KCNJ16: variants seen among roughly 807,000 people sequenced by gnomAD.
The protein encoded by KCNJ16 is inward rectifier potassium channel 16.
A neutral mutation model predicts 18.5 loss-of-function variants in KCNJ16; 15 were observed. The ratio of observed to expected loss-of-function variants is 0.81; its 90% CI spans 0.54 to 1.25. The LOEUF is 1.25. Ranked by LOEUF, KCNJ16 falls within the 50% of genes most tolerant of loss-of-function variation. The pLI is 0.00. For missense variants in KCNJ16, 523 were observed against 525.7 expected (o/e 0.99, Z 0.05); for synonymous variants, 174 against 186.5 (o/e 0.93, Z 0.55).
chr17:70,095,688 G>T, intron 1 of KCNJ16, among the ~76,000 whole-genome samples: 1 of 151,748 alleles, frequency 6.6e-6, no homozygotes, highest in East Asian at 1.9e-4. Context: ...TCTTTATTAG[G>T]ATCTCTATAC....
intron 1 of KCNJ16, among the ~76,000 whole-genome samples, chr17:70,088,437 G>T (rs1455031346): frequency 2.0e-5 from 3 of 152,148 alleles, no homozygotes; most frequent in African/African-American, 4.8e-5. Flanking sequence ...CCTGCTGTGC[G>T]GCCCGGTTCC....
chr17:70,078,798 A>G (rs564996013), intron 1 of KCNJ16, among the ~76,000 whole-genome samples: 1 of 152,200 alleles, frequency 6.6e-6, no homozygotes, highest in Non-Finnish European at 1.5e-5. Flanking sequence ...ACGTACAATT[A>G]GCACACCAAC....
At chr17:70,131,226 A>G (rs528583532) in intron 3 of KCNJ16, 1 of 776,770 alleles carries the variant, frequency 1.3e-6, no homozygotes, top group East Asian at 2.9e-5. Flanking sequence ...AAGAAAAGAA[A>G]AAAAAAAGGA....
At position 70,132,902 on chromosome 17, in the gene KCNJ16, C is replaced by G; in HGVS notation, c.815C>G (p.Ala272Gly). ...TATGCCCTTGACCGCAAAGCAGTAG[C>G]CAAAGATAACTTTGAGATTTTGGTG... ...PLYALDRKAV[A>G]KDNFEILVTF... The change falls in exon 4 of 4, where the codon GCC (alanine) becomes GGC (glycine). Residue 272 changes from alanine (A) to glycine (G), a missense_variant. Physicochemically the swap from Ala to Gly is moderately conservative, Grantham distance 60. Transcript: ENST00000392671. 4 of 1,614,062 alleles carry G rather than the reference C, an allele frequency of 2.5e-6. No homozygotes were observed. The highest frequency in any genetic ancestry group is 2.5e-6 in the Non-Finnish European group (3 of 1,179,978).
intron 2 of KCNJ16, among the ~76,000 whole-genome samples, chr17:70,125,307 T>G (rs932735580): frequency 6.7e-6 from 1 of 149,942 alleles, no homozygotes; most frequent in Non-Finnish European, 1.5e-5. Context: ...GAAATAAAAG[T>G]CACCTTGTCC....
At chr17:70,094,611 G>C (rs1344897814) in intron 1 of KCNJ16, among the ~76,000 whole-genome samples, 2 of 90,030 alleles carry the variant, frequency 2.2e-5, no homozygotes, top group African/African-American at 8.5e-5. Context: ...TAGTCAATGA[G>C]GTGAAAGGTG....
At chr17:70,076,077 CAT>C (rs1440021883) in intron 1 of KCNJ16, among the ~76,000 whole-genome samples, 1 of 151,932 alleles carries the variant, frequency 6.6e-6, no homozygotes, top group Non-Finnish European at 1.5e-5. Flanking sequence ...AATTCTCTGA[CAT>C]ATATAATTGA....
intron 2 of KCNJ16, among the ~76,000 whole-genome samples, chr17:70,130,673 G>T (rs1271942278): frequency 1.3e-5 from 2 of 152,108 alleles, no homozygotes; most frequent in Non-Finnish European, 2.9e-5. Flanking sequence ...AATTTCCCTG[G>T]TTAGTTCCAA....
chr17:70,111,150 A>C (rs2073169027), intron 2 of KCNJ16, among the ~76,000 whole-genome samples: 1 of 152,188 alleles, frequency 6.6e-6, no homozygotes, highest in Non-Finnish European at 1.5e-5. Context: ...TGAGGGTATG[A>C]GTGTGACATT....
chr17:70,105,647 A>C (rs949694814), intron 2 of KCNJ16, among the ~76,000 whole-genome samples: 2 of 152,228 alleles, frequency 1.3e-5, no homozygotes, highest in South Asian at 4.1e-4. Flanking sequence ...TTCAATAAAT[A>C]ATAAGCCCTT....
intron 2 of KCNJ16, among the ~76,000 whole-genome samples, chr17:70,106,671 G>A (rs2072942847): frequency 6.6e-6 from 1 of 152,140 alleles, no homozygotes; most frequent in Non-Finnish European, 1.5e-5. Context: ...TTCTGCCATG[G>A]TTTTCTGACC....
At chr17:70,100,479 G>A (rs557302610) in intron 1 of KCNJ16, among the ~76,000 whole-genome samples, 179 bp from the exon 2 acceptor site, 3 of 152,038 alleles carry the variant, frequency 2.0e-5, no homozygotes, top group African/African-American at 7.2e-5. Flanking sequence ...TTCACCACCC[G>A]AAAAACATTA....
At chr17:70,131,335 T>G (rs2074052495) in intron 3 of KCNJ16, 1 of 1,076,070 alleles carries the variant, frequency 9.3e-7, no homozygotes, top group Non-Finnish European at 1.1e-6. Context: ...GATGCATTTT[T>G]TTTTCTTTTC....
intron 2 of KCNJ16, among the ~76,000 whole-genome samples, chr17:70,129,675 T>C (rs1432387399): frequency 1.3e-5 from 2 of 152,224 alleles, no homozygotes; most frequent in African/African-American, 4.8e-5. Flanking sequence ...TCAGGAAACA[T>C]GGTGAGCTTG....
intron 2 of KCNJ16, among the ~76,000 whole-genome samples, chr17:70,119,702 G>C (rs2073554640): frequency 6.6e-6 from 1 of 152,174 alleles, no homozygotes; most frequent in Admixed American, 6.5e-5. Flanking sequence ...CAAAGCAACA[G>C]GGCCCTAGGC....
rs1425093417 is a variant in KCNJ16 at position 70,078,380 on chromosome 17, C to A, written c.-300+2990C>A. 3.9e-5 allele frequency among the ~76,000 whole-genome samples: 6 copies of A among 152,094 alleles called. No homozygotes were observed. The East Asian group carries it at 1.2e-3, about 29-fold the overall frequency. On this transcript the variant is annotated intron_variant, in intron 1 of 3. Coordinates refer to ENST00000392671, the MANE Select transcript of KCNJ16 (RefSeq NM_170741.4). ...AAAAAAAAGGTGATTTTTACCTTAA[C>A]ATGTTCCAAAAAGATCACCTCCATT...
intron 2 of KCNJ16, among the ~76,000 whole-genome samples, chr17:70,116,701 A>G (rs1163669511): frequency 1.3e-5 from 2 of 152,198 alleles, no homozygotes; most frequent in African/African-American, 4.8e-5. Context: ...AACATGAAAA[A>G]ATGCTCACTA....
At chr17:70,107,485 T>C (rs1055876706) in intron 2 of KCNJ16, among the ~76,000 whole-genome samples, 2 of 152,182 alleles carry the variant, frequency 1.3e-5, no homozygotes, top group Non-Finnish European at 2.9e-5. Flanking sequence ...GTTGTATTTT[T>C]TTTTCATTGT....
rs998580 is a variant in KCNJ16 at position 70,130,650 on chromosome 17, A to G, written c.-190-229A>G. Among the ~76,000 whole-genome samples the G allele has an allele frequency of 0.13, 20,540 of 152,158 alleles. 1,518 individuals carry two copies. Among genetic ancestry groups the G allele is most frequent in the East Asian group, 0.27 (1,416 of 5,172 alleles). The stretch of plus-strand genomic sequence containing the variant: ...TTGCAGCAGAGAAGGTGCTGAACAC[A>G]TATTTAGTGATGAATTTCCCTGGTT... On this transcript the variant is annotated intron_variant, in intron 2 of 3. Coordinates refer to ENST00000392671, the MANE Select transcript of KCNJ16 (RefSeq NM_170741.4).
Sources: gnomAD v4.1 joint callset for allele counts (sites outside exome capture counted in the v4.1 genomes callset) on GRCh38, gnomAD v4.1.1 for gene constraint, MANE v1.5 for transcripts, NCBI Gene and HGNC (gene_info 2026-07-23, HGNC 2026-07-21) for gene names.